Variants in FOLH1 observed in about 807,000 individuals in gnomAD.
The protein encoded by FOLH1 is folate hydrolase 1.
FOLH1 carries 54 observed loss-of-function variants against 93.9 expected under a neutral mutation model. The ratio of observed to expected loss-of-function variants is 0.57; its 90% CI spans 0.46 to 0.72. The LOEUF is 0.72. Among genes scored for constraint, FOLH1 ranks in the 30% least tolerant of loss-of-function variants. The probability of loss-of-function intolerance (pLI) is 0.00; values close to 1 mark genes in which losing one functional copy is unlikely to be tolerated. For synonymous variants in FOLH1, 249 were observed against 303.6 expected, an observed-to-expected ratio of 0.82 and a Z score of 1.87; for missense variants, 571 against 892.5, an observed-to-expected ratio of 0.64 and a Z score of 4.59.
At chr11:49,196,851 C>T (rs1315283696) in intron 3 of FOLH1, among the ~76,000 whole-genome samples, 1 of 152,178 alleles carries the variant, frequency 6.6e-6, no homozygotes, top group East Asian at 1.9e-4. Context: ...GCTATCAAAA[C>T]TTCTTTTCAA....
At chr11:49,169,957 C>A (rs746904067) in intron 11 of FOLH1, among the ~76,000 whole-genome samples, 1 of 151,762 alleles carries the variant, frequency 6.6e-6, no homozygotes, top group Non-Finnish European at 1.5e-5. Context: ...CAAATTACAC[C>A]GTCAAAATAT....
chr11:49,173,239 A>G (rs548804998), intron 10 of FOLH1, 118 bp downstream of exon 10: 32 of 1,094,624 alleles, frequency 2.9e-5, no homozygotes, highest in African/African-American at 2.9e-4. Context: ...TGAAAATTGT[A>G]TTAGTATTTT....
chr11:49,187,370 A>G (rs1270079700), intron 4 of FOLH1, among the ~76,000 whole-genome samples: 2 of 152,070 alleles, frequency 1.3e-5, no homozygotes, highest in Non-Finnish European at 2.9e-5. Context: ...CCCTAAATTA[A>G]TTTTGACAAT....
At chr11:49,150,474 C>T (rs2134856004) in intron 17 of FOLH1, among the ~76,000 whole-genome samples, 1 of 152,186 alleles carries the variant, frequency 6.6e-6, no homozygotes. Flanking sequence ...TAGCAATCTA[C>T]TCACTGAAGT....
At chr11:49,201,763 A>G (rs1471481897) in intron 2 of FOLH1, among the ~76,000 whole-genome samples, 1 of 152,232 alleles carries the variant, frequency 6.6e-6, no homozygotes, top group Non-Finnish European at 1.5e-5. Flanking sequence ...ACAAACTGCA[A>G]TGTAACTAAT....
chr11:49,179,340 C>T (rs537969447), intron 7 of FOLH1, among the ~76,000 whole-genome samples: 4 of 152,224 alleles, frequency 2.6e-5, no homozygotes, highest in South Asian at 4.1e-4. Flanking sequence ...GTCTGTAAAA[C>T]GAGCCTGGAT....
At chr11:49,190,108 CA>C (rs1861859072) in intron 4 of FOLH1, among the ~76,000 whole-genome samples, 1 of 152,160 alleles carries the variant, frequency 6.6e-6, no homozygotes, top group Admixed American at 6.5e-5. Flanking sequence ...GTGATTTCAG[CA>C]AAATAATTTT....
At chr11:49,185,068 A>T (rs188957879) in intron 6 of FOLH1, among the ~76,000 whole-genome samples, 2 of 152,316 alleles carry the variant, frequency 1.3e-5, no homozygotes, top group Admixed American at 1.3e-4. Context: ...ACACTCTTTG[A>T]AAGTTATCTC....
intron 13 of FOLH1, chr11:49,162,783 T>A (rs1259713191): frequency 1.3e-5 from 2 of 152,414 alleles, no homozygotes; most frequent in Admixed American, 1.3e-4. Flanking sequence ...GTCCTTTTTT[T>A]TCTTTTCTTT....
At chr11:49,156,412 C>T (rs1857043320) in intron 15 of FOLH1, among the ~76,000 whole-genome samples, 1 of 152,022 alleles carries the variant, frequency 6.6e-6, no homozygotes, top group East Asian at 1.9e-4. Flanking sequence ...TCCTACATTT[C>T]CAACTTAAAT....
At chr11:49,191,304 G>T (rs1840402393) in intron 4 of FOLH1, among the ~76,000 whole-genome samples, 1 of 152,154 alleles carries the variant, frequency 6.6e-6, no homozygotes, top group South Asian at 2.1e-4. Context: ...TAGCCACTGC[G>T]CCTGGCCTGT....
intron 13 of FOLH1, among the ~76,000 whole-genome samples, chr11:49,163,631 G>A (rs953062400): frequency 1.3e-5 from 2 of 151,782 alleles, no homozygotes; most frequent in Non-Finnish European, 2.9e-5. Flanking sequence ...GACCATCACT[G>A]CTCAGGCCCT....
intron 2 of FOLH1, among the ~76,000 whole-genome samples, chr11:49,203,482 C>T (rs1863500867): frequency 6.6e-6 from 1 of 152,182 alleles, no homozygotes; most frequent in African/African-American, 2.4e-5. Flanking sequence ...TTTTAATAGT[C>T]TCTGACCCAT....
intron 17 of FOLH1, among the ~76,000 whole-genome samples, chr11:49,149,211 A>C (rs1306980401): frequency 1.3e-5 from 2 of 152,140 alleles, no homozygotes; most frequent in Non-Finnish European, 2.9e-5. Flanking sequence ...CAAACTACCA[A>C]ACAAATTAAA....
rs1181788654 is a variant in FOLH1 at position 49,145,495 on chromosome 11, G to C, written c.*1261C>G. Reference sequence around the variant, plus strand: ...ATTGTCCTTTGCCAAATTTGTAGTAGAGCCCCTCTGGCTTGACATTTCTTC... The same window carrying C: ...ATTGTCCTTTGCCAAATTTGTAGTACAGCCCCTCTGGCTTGACATTTCTTC... On this transcript the variant is annotated 3_prime_UTR_variant, in exon 19 of 19. Coordinates refer to ENST00000256999, the MANE Select transcript of FOLH1 (RefSeq NM_004476.3). Among the ~76,000 whole-genome samples, 3 of 152,130 alleles carry C rather than the reference G, an allele frequency of 2.0e-5. No individual in the cohort carries two copies. Among genetic ancestry groups the C allele is most frequent in the Non-Finnish European group, 4.4e-5 (3 of 68,026 alleles).
intron 2 of FOLH1, among the ~76,000 whole-genome samples, chr11:49,202,776 C>T (rs1411166755): frequency 1.3e-5 from 2 of 152,152 alleles, no homozygotes; most frequent in Non-Finnish European, 2.9e-5. Context: ...GTGGAATTAG[C>T]TGGGCACGGT....
chr11:49,197,469 G>C (rs1862742807), intron 3 of FOLH1, among the ~76,000 whole-genome samples: 1 of 152,072 alleles, frequency 6.6e-6, no homozygotes, highest in Non-Finnish European at 1.5e-5. Context: ...TTTACATTTT[G>C]TGACATAAAA....
chr11:49,190,223 A>G (rs1457292490), intron 4 of FOLH1, among the ~76,000 whole-genome samples: 4 of 152,190 alleles, frequency 2.6e-5, no homozygotes, highest in Non-Finnish European at 5.9e-5. Flanking sequence ...TATATCAGCA[A>G]TCCTCACAAA....
intron 4 of FOLH1, among the ~76,000 whole-genome samples, chr11:49,191,891 G>T (rs1862089842): frequency 6.6e-6 from 1 of 152,042 alleles, no homozygotes; most frequent in African/African-American, 2.4e-5. Flanking sequence ...ATAGAGATGG[G>T]GTTTCCCCAT....
Sources: gnomAD v4.1 joint callset for allele counts (sites outside exome capture counted in the v4.1 genomes callset) on GRCh38, gnomAD v4.1.1 for gene constraint, MANE v1.5 for transcripts, NCBI Gene and HGNC (gene_info 2026-07-23, HGNC 2026-07-21) for gene names.